DLGAP1: variants seen among roughly 807,000 people sequenced by gnomAD.
The protein encoded by DLGAP1 is DLG associated protein 1, also known as disks large-associated protein 1.
A neutral mutation model predicts 90.8 loss-of-function variants in DLGAP1; 11 were observed. That is an observed-to-expected ratio of 0.12 (90% confidence interval 0.08 to 0.20). DLGAP1 has a LOEUF of 0.20. Ranked by LOEUF, DLGAP1 falls within the 10% of genes least tolerant of loss-of-function variation. The probability of loss-of-function intolerance (pLI) is 1.00; values close to 1 mark genes in which losing one functional copy is unlikely to be tolerated. For synonymous variants in DLGAP1, 558 were observed against 540.7 expected, an observed-to-expected ratio of 1.03 and a Z score of -0.44; for missense variants, 1,050 against 1,333.8, an observed-to-expected ratio of 0.79 and a Z score of 3.31.
At chr18:3,596,961 C>T (rs750559949) in intron 7 of DLGAP1, 5 of 520,084 alleles carry the variant, frequency 9.6e-6, no homozygotes, top group African/African-American at 3.8e-5. Flanking sequence ...GTCGTCCACC[C>T]GATGTCCCCC....
At position 4,021,088 on chromosome 18, in the gene DLGAP1, A is replaced by T. The variant is rs574306977; in HGVS notation, c.-158-15887T>A. On this transcript the variant is annotated intron_variant, in intron 2 of 12. Coordinates refer to ENST00000315677, the MANE Select transcript of DLGAP1 (RefSeq NM_004746.4). ...CCCACTTCCTGAGCCCCTACTTGCC[A>T]AATTATCCTTAAAAACTCCGATCCC... is the stretch of plus-strand genomic sequence containing the variant. Among the ~76,000 whole-genome samples, 24 of 152,290 alleles carry T rather than the reference A, an allele frequency of 1.6e-4. 1 individual carries two copies. The South Asian group carries it at 3.3e-3, about 21-fold the overall frequency.
At chr18:4,397,224 A>G (rs1392967852) in intron 1 of DLGAP1, among the ~76,000 whole-genome samples, 1 of 152,238 alleles carries the variant, frequency 6.6e-6, no homozygotes, top group Non-Finnish European at 1.5e-5. Context: ...TGTTGTAGTC[A>G]CTATTACTAG....
chr18:4,419,162 A>G (rs962928133), intron 1 of DLGAP1, among the ~76,000 whole-genome samples: 3 of 152,210 alleles, frequency 2.0e-5, no homozygotes, highest in African/African-American at 7.2e-5. Flanking sequence ...GACACACCCA[A>G]GACTGGGCAA....
intron 3 of DLGAP1, among the ~76,000 whole-genome samples, chr18:3,938,211 C>T (rs1013766687): frequency 1.3e-5 from 2 of 152,150 alleles, no homozygotes; most frequent in African/African-American, 4.8e-5. Context: ...TTAAAAACTC[C>T]CTGTCCTTTT....
chr18:4,417,312 T>C (rs909698750), intron 1 of DLGAP1, among the ~76,000 whole-genome samples: 1 of 152,118 alleles, frequency 6.6e-6, no homozygotes, highest in Non-Finnish European at 1.5e-5. Context: ...ATAGATTTAA[T>C]TTTCAAAAAA....
chr18:3,795,355 T>C (rs1223564025), intron 5 of DLGAP1, among the ~76,000 whole-genome samples: 1 of 152,208 alleles, frequency 6.6e-6, no homozygotes, highest in Admixed American at 6.5e-5. Flanking sequence ...CTCTCTCTGT[T>C]GCCAGGCTGG....
intron 8 of DLGAP1, among the ~76,000 whole-genome samples, chr18:3,571,924 T>A (rs991496492): frequency 1.3e-5 from 2 of 152,178 alleles, no homozygotes; most frequent in African/African-American, 2.4e-5. Context: ...GTTTTATAGT[T>A]TTTGTTACTA....
At chr18:4,250,736 C>A (rs1458140209) in intron 1 of DLGAP1, among the ~76,000 whole-genome samples, 2 of 152,074 alleles carry the variant, frequency 1.3e-5, no homozygotes, top group East Asian at 3.9e-4. Flanking sequence ...TATGTCCCTT[C>A]CATTTAATAG....
intron 3 of DLGAP1, among the ~76,000 whole-genome samples, chr18:3,932,273 A>G (rs1411469497): frequency 6.6e-6 from 1 of 152,200 alleles, no homozygotes; most frequent in African/African-American, 2.4e-5. Context: ...AGCCCAGGCC[A>G]AAGAATTCAT....
At chr18:4,402,940 C>T (rs1363357754) in intron 1 of DLGAP1, among the ~76,000 whole-genome samples, 1 of 152,114 alleles carries the variant, frequency 6.6e-6, no homozygotes, top group Non-Finnish European at 1.5e-5. Context: ...ACTCTGAAAT[C>T]TTTCACTTAG....
chr18:4,180,708 C>T (rs540744516), intron 1 of DLGAP1, among the ~76,000 whole-genome samples: 123 of 152,274 alleles, frequency 8.1e-4, no homozygotes, highest in Middle Eastern at 3.4e-3. Flanking sequence ...ATTTGTGTTC[C>T]GTTTCTCACA....
At chr18:4,404,411 C>A (rs118081952) in intron 1 of DLGAP1, among the ~76,000 whole-genome samples, 6,244 of 152,078 alleles carry the variant, frequency 0.041, 183 homozygotes, top group Middle Eastern at 0.065. Flanking sequence ...GCTCTGGAGA[C>A]CGCAAGAAAA....
intron 10 of DLGAP1, among the ~76,000 whole-genome samples, chr18:3,515,505 G>T (rs981113710): frequency 6.6e-6 from 1 of 150,458 alleles, no homozygotes; most frequent in African/African-American, 2.4e-5. Flanking sequence ...AAGGCTGGGC[G>T]TGGTGGCTCA....
chr18:3,819,827 T>C (rs1244554785), intron 4 of DLGAP1, among the ~76,000 whole-genome samples: 4 of 152,228 alleles, frequency 2.6e-5, no homozygotes, highest in African/African-American at 9.6e-5. Context: ...TATTTTTTGA[T>C]AAACTACAAA....
At chr18:3,848,417 G>A (rs2069146266) in intron 4 of DLGAP1, among the ~76,000 whole-genome samples, 1 of 152,144 alleles carries the variant, frequency 6.6e-6, no homozygotes, top group African/African-American at 2.4e-5. Flanking sequence ...ATGGTAAAGA[G>A]AAATTTGAAC....
At chr18:4,277,166 T>G (rs984404303) in intron 1 of DLGAP1, among the ~76,000 whole-genome samples, 2 of 152,200 alleles carry the variant, frequency 1.3e-5, no homozygotes, top group African/African-American at 4.8e-5. Flanking sequence ...TATAGACGAC[T>G]GTGAGAAATA....
In DLGAP1 at chr18:4,282,236, C is replaced by T. The variant is rs552533917; in HGVS notation, c.-266-130949G>A. Among the ~76,000 whole-genome samples, 559 of 151,744 alleles carry T rather than the reference C, an allele frequency of 3.7e-3. 1 individual carries two copies. Among genetic ancestry groups the T allele is most frequent in the Non-Finnish European group, 6.1e-3 (411 of 67,928 alleles). On this transcript the variant is annotated intron_variant, in intron 1 of 12. Coordinates refer to ENST00000315677, the MANE Select transcript of DLGAP1 (RefSeq NM_004746.4). Reference sequence around the variant, plus strand: ...AAAATTAGCCAGGCATGGTGGTGGGCGCCTGTAGTCTCAGCTACTCGGGAG... The same window carrying T: ...AAAATTAGCCAGGCATGGTGGTGGGTGCCTGTAGTCTCAGCTACTCGGGAG...
intron 7 of DLGAP1, among the ~76,000 whole-genome samples, chr18:3,585,808 C>T (rs1471832079): frequency 6.6e-6 from 1 of 151,998 alleles, no homozygotes; most frequent in Non-Finnish European, 1.5e-5. Flanking sequence ...CCAAACAGTC[C>T]CCCTCCAAAA....
At chr18:4,206,337 G>A (rs946460526) in intron 1 of DLGAP1, among the ~76,000 whole-genome samples, 2 of 152,106 alleles carry the variant, frequency 1.3e-5, no homozygotes, top group Admixed American at 1.3e-4. Context: ...GAGAGTTGAG[G>A]TTGAAGTTTG....
Sources: allele counts gnomAD v4.1 joint callset (sites outside exome capture counted in the v4.1 genomes callset), GRCh38; gene constraint gnomAD v4.1.1; transcripts MANE v1.5; gene names NCBI Gene and HGNC (gene_info 2026-07-23, HGNC 2026-07-21).